The following LURAP1 variants were observed in gnomAD, a reference collection of about 807,000 sequenced individuals.
The protein encoded by LURAP1 is leucine rich adaptor protein 1, also known as NF-kappa-B activator C1orf190.
A neutral mutation model predicts 19.0 loss-of-function variants in LURAP1; 14 were observed. The ratio of observed to expected loss-of-function variants is 0.74; its 90% CI spans 0.49 to 1.15. LURAP1 has a LOEUF of 1.15. Ranked by LOEUF, LURAP1 falls within the 50% of genes most tolerant of loss-of-function variation. LURAP1 has a pLI of 0.00. For missense variants in LURAP1, 273 were observed against 309.1 expected, an observed-to-expected ratio of 0.88 and a Z score of 0.87; for synonymous variants, 129 against 131.8, an observed-to-expected ratio of 0.98 and a Z score of 0.14.
At chr1:46,209,269 C>A (rs961890873) in intron 1 of LURAP1, among the ~76,000 whole-genome samples, 5 of 152,042 alleles carry the variant, frequency 3.3e-5, no homozygotes, top group African/African-American at 1.2e-4. Context: ...GGTGATCCAT[C>A]CGCCTTGGCC....
chr1:46,219,632 G>C, intron 1 of LURAP1, 67 bp from the exon 2 acceptor site: 1 of 1,478,384 alleles, frequency 6.8e-7, no homozygotes, highest in East Asian at 2.3e-5. Context: ...CAAGGTAGTG[G>C]CCTGTGGAAA....
chr1:46,208,539 C>G (rs904034600), intron 1 of LURAP1, among the ~76,000 whole-genome samples: 1 of 152,076 alleles, frequency 6.6e-6, no homozygotes, highest in Non-Finnish European at 1.5e-5. Context: ...AGTGGGAATT[C>G]CAGTTCAAGA....
chr1:46,206,082 ACTT>A (rs1233016945), intron 1 of LURAP1, among the ~76,000 whole-genome samples: 3 of 152,210 alleles, frequency 2.0e-5, no homozygotes, highest in Admixed American at 6.5e-5. Context: ...AACAGTGGCA[ACTT>A]CTTCTTAGTT....
intron 1 of LURAP1, among the ~76,000 whole-genome samples, chr1:46,216,728 T>C (rs1659083476): frequency 6.6e-6 from 1 of 152,164 alleles, no homozygotes; most frequent in African/African-American, 2.4e-5. Context: ...GGGATACTGT[T>C]GAACCCATCA....
intron 1 of LURAP1, among the ~76,000 whole-genome samples, chr1:46,213,894 T>G (rs557930381): frequency 6.6e-6 from 1 of 151,966 alleles, no homozygotes; most frequent in East Asian, 1.9e-4. Flanking sequence ...AGACCTCCAA[T>G]TAAACAGCCC....
rs558585564 is a variant in LURAP1, at chr1:46,211,950, C to T, written c.199-7749C>T. ...CCAATTTTTGTATTTTTATTAGAGA[C>T]GGGGTTTCACCATGTTGGCCAGGCT... On this transcript the variant is annotated intron_variant, in intron 1 of 1. Coordinates refer to ENST00000371980, the MANE Select transcript of LURAP1 (RefSeq NM_001013615.3). 4.6e-5 allele frequency among the ~76,000 whole-genome samples: 7 copies of T among 152,064 alleles called. No individual in the cohort carries two copies. In the South Asian group the frequency reaches 6.2e-4, roughly 14 times the overall value.
intron 1 of LURAP1, among the ~76,000 whole-genome samples, chr1:46,209,265 C>T (rs774401854): frequency 3.9e-5 from 6 of 152,134 alleles, no homozygotes; most frequent in Non-Finnish European, 5.9e-5. Flanking sequence ...CTCAGGTGAT[C>T]CATCCGCCTT....
At chr1:46,214,924 A>G (rs913909604) in intron 1 of LURAP1, among the ~76,000 whole-genome samples, 2 of 150,330 alleles carry the variant, frequency 1.3e-5, no homozygotes, top group Non-Finnish European at 3.0e-5. Flanking sequence ...CAGAAACTAG[A>G]GCAAGTATAG....
chr1:46,210,966 G>A (rs989204401), intron 1 of LURAP1, among the ~76,000 whole-genome samples: 2 of 146,716 alleles, frequency 1.4e-5, no homozygotes, highest in Admixed American at 1.4e-4. Flanking sequence ...TTTTGGTAGA[G>A]ACAGGGTTTC....
At chr1:46,213,906 A>G (rs1378613144) in intron 1 of LURAP1, among the ~76,000 whole-genome samples, 1 of 152,076 alleles carries the variant, frequency 6.6e-6, no homozygotes, top group African/African-American at 2.4e-5. Flanking sequence ...AAACAGCCCA[A>G]TCAGATCATC....
At chr1:46,205,070 C>G (rs1339957444) in intron 1 of LURAP1, among the ~76,000 whole-genome samples, 1 of 152,120 alleles carries the variant, frequency 6.6e-6, no homozygotes, top group Non-Finnish European at 1.5e-5. Context: ...CCAGCCTGGG[C>G]AACAAAGCAA....
Position 46,203,457 on chromosome 1 carries a change from G to C in LURAP1, c.31G>C (p.Asp11His), listed in dbSNP as rs888785493. Reference sequence around the variant, plus strand: ...GGGGACCGTGGAGTCCCAGACGCCTGACCTGCGGGATGTGGAGGGTAAGGT... The same window carrying C: ...GGGGACCGTGGAGTCCCAGACGCCTCACCTGCGGGATGTGGAGGGTAAGGT... The part of the protein sequence containing the change: MEGTVESQTP[D>H]LRDVEGKVGR... The change falls in exon 1 of 2, where the codon GAC becomes CAC. Residue 11 changes from aspartate (D) to histidine (H), a missense_variant. Coordinates refer to ENST00000371980, the MANE Select transcript of LURAP1 (RefSeq NM_001013615.3). The C allele has an allele frequency of 6.7e-7, 1 of 1,503,032 alleles. No homozygotes were observed. Among genetic ancestry groups the C allele is most frequent in the Non-Finnish European group, 8.9e-7 (1 of 1,126,660 alleles). The allele number at this position is 1,503,032 out of a possible 1,614,324, so 93.1% of individuals were successfully genotyped here.
intron 1 of LURAP1, among the ~76,000 whole-genome samples, chr1:46,207,877 T>C (rs1443603361): frequency 6.6e-6 from 1 of 150,734 alleles, no homozygotes; most frequent in African/African-American, 2.4e-5. Context: ...ATTATCATTA[T>C]TTTTTTTGAC....
chr1:46,203,973 C>T (rs1422952572), intron 1 of LURAP1, among the ~76,000 whole-genome samples: 1 of 152,130 alleles, frequency 6.6e-6, no homozygotes, highest in Non-Finnish European at 1.5e-5. Flanking sequence ...GCCACCTATT[C>T]CCCGCCAGTC....
rs1658614416 is a variant in LURAP1 at position 46,203,515 on chromosome 1, G to A, written c.89G>A (p.Gly30Glu). ...GRKTPEGLLR[G>E]LRGECELGTS... ...AAGACCCCTGAAGGGCTGCTCCGCG[G>A]GCTGCGAGGCGAGTGTGAGCTGGGA... The change falls in exon 1 of 2, where the codon GGG (glycine) becomes GAG (glutamate). Residue 30 changes from glycine to glutamate, a missense_variant. Gly to Glu is a moderately conservative substitution (Grantham distance 98). Transcript: ENST00000371980. 6.4e-7 allele frequency: 1 copy of A among 1,561,034 alleles called. No individual in the cohort carries two copies. Among genetic ancestry groups the A allele is most frequent in the Non-Finnish European group, 8.7e-7 (1 of 1,155,542 alleles).
intron 1 of LURAP1, among the ~76,000 whole-genome samples, chr1:46,207,941 C>T (rs1445857514): frequency 1.3e-5 from 2 of 151,960 alleles, no homozygotes; most frequent in Non-Finnish European, 1.5e-5. Flanking sequence ...GATCTCGGCT[C>T]ACTGCAACCT....
chr1:46,214,845 G>A (rs567551956), intron 1 of LURAP1, among the ~76,000 whole-genome samples: 1 of 138,654 alleles, frequency 7.2e-6, no homozygotes, highest in East Asian at 2.2e-4. Flanking sequence ...CCAGCCTGGG[G>A]GACAAGAGTG....
At chr1:46,219,077 A>T (rs1277492282) in intron 1 of LURAP1, among the ~76,000 whole-genome samples, 1 of 152,058 alleles carries the variant, frequency 6.6e-6, no homozygotes, top group East Asian at 1.9e-4. Context: ...TGGGCGGATC[A>T]CCTAAGGTCA....
intron 1 of LURAP1, among the ~76,000 whole-genome samples, chr1:46,209,950 C>A (rs1203385098): frequency 1.3e-5 from 2 of 152,134 alleles, no homozygotes; most frequent in African/African-American, 4.8e-5. Flanking sequence ...TGGTCATGGA[C>A]TAGGACAGTT....
Sources: gnomAD v4.1 joint callset for allele counts (sites outside exome capture counted in the v4.1 genomes callset) on GRCh38, gnomAD v4.1.1 for gene constraint, MANE v1.5 for transcripts, NCBI Gene and HGNC (gene_info 2026-07-23, HGNC 2026-07-21) for gene names.